Variants in CTNNA2 observed in about 807,000 individuals in gnomAD.
The protein encoded by CTNNA2 is catenin alpha 2.
Under a neutral mutation model 101.0 loss-of-function variants are expected in CTNNA2, and 42 were observed. That is an observed-to-expected ratio of 0.42 (90% CI 0.32 to 0.54). CTNNA2 has a LOEUF of 0.54. Among genes scored for constraint, CTNNA2 ranks in the 20% least tolerant of loss-of-function variants. The probability of loss-of-function intolerance (pLI) is 0.14; values close to 1 mark genes in which losing one functional copy is unlikely to be tolerated. For missense variants in CTNNA2, 871 were observed against 1,223.1 expected (o/e 0.71, Z 4.29); for synonymous variants, 450 against 456.4 (o/e 0.99, Z 0.18).
intron 7 of CTNNA2, among the ~76,000 whole-genome samples, chr2:80,343,334 C>A (rs1672407570): frequency 6.6e-6 from 1 of 150,640 alleles, no homozygotes; most frequent in Admixed American, 6.6e-5. Flanking sequence ...CTCTTAAGAT[C>A]ATCCATGTAT....
At chr2:79,978,026 G>A (rs1690991335) in intron 7 of CTNNA2, among the ~76,000 whole-genome samples, 1 of 152,122 alleles carries the variant, frequency 6.6e-6, no homozygotes, top group African/African-American at 2.4e-5. Flanking sequence ...GCCTCAAACT[G>A]CCAAATGCAA....
intron 2 of CTNNA2, among the ~76,000 whole-genome samples, chr2:79,305,982 C>T (rs1676233049): frequency 6.8e-6 from 1 of 147,016 alleles, no homozygotes; most frequent in South Asian, 2.1e-4. Flanking sequence ...GGAGGCAGAG[C>T]TTGCAGTGAG....
chr2:79,295,436 A>G (rs2104385551), intron 2 of CTNNA2, among the ~76,000 whole-genome samples: 1 of 152,210 alleles, frequency 6.6e-6, no homozygotes, highest in East Asian at 1.9e-4. Flanking sequence ...AAGAGTGCCA[A>G]TTATTTCTTC....
chr2:79,602,490 T>A (rs192490070), intron 1 of CTNNA2, among the ~76,000 whole-genome samples: 33 of 152,296 alleles, frequency 2.2e-4, no homozygotes, highest in African/African-American at 7.7e-4. Flanking sequence ...ATTGTACTCA[T>A]CACTGTACTT....
At chr2:79,790,345 G>A (rs574992265) in intron 3 of CTNNA2, among the ~76,000 whole-genome samples, 1 of 152,254 alleles carries the variant, frequency 6.6e-6, no homozygotes, top group East Asian at 1.9e-4. Context: ...GTCAAAGGAC[G>A]CAGAAAGGGT....
At chr2:80,193,800 C>T (rs965733782) in intron 7 of CTNNA2, among the ~76,000 whole-genome samples, 1 of 152,120 alleles carries the variant, frequency 6.6e-6, no homozygotes, top group Admixed American at 6.6e-5. Flanking sequence ...TTACTTTTCC[C>T]ATATCCAGCT....
rs74888080 is a variant in CTNNA2, at chr2:80,062,588, C to G, written c.1056+152791C>G. 2.9e-3 allele frequency among the ~76,000 whole-genome samples: 442 copies of G among 152,150 alleles called. 3 individuals carry two copies. In the East Asian group the frequency reaches 0.03, roughly 10 times the overall value. Reference sequence around the variant, plus strand: ...AAAGAACTAACTTAATTCTTTTATTCTCTCTATCATTTTGAGGATATGGGA... The same window carrying G: ...AAAGAACTAACTTAATTCTTTTATTGTCTCTATCATTTTGAGGATATGGGA... On this transcript the variant is annotated intron_variant, in intron 7 of 18. Coordinates refer to ENST00000402739, the MANE Select transcript of CTNNA2 (RefSeq NM_001282597.3).
chr2:80,175,095 C>A (rs1331742638), intron 7 of CTNNA2, among the ~76,000 whole-genome samples: 1 of 152,186 alleles, frequency 6.6e-6, no homozygotes, highest in African/African-American at 2.4e-5. Flanking sequence ...TCACCTCTGG[C>A]CTTCTCTTGA....
intron 1 of CTNNA2, among the ~76,000 whole-genome samples, chr2:79,537,821 T>C (rs577648113): frequency 6.6e-6 from 1 of 151,890 alleles, no homozygotes; most frequent in African/African-American, 2.4e-5. Context: ...AAGAGAAAGT[T>C]ATGCATACAA....
intron 1 of CTNNA2, among the ~76,000 whole-genome samples, chr2:79,577,811 T>C (rs1373010845): frequency 6.6e-6 from 1 of 152,144 alleles, no homozygotes; most frequent in Non-Finnish European, 1.5e-5. Flanking sequence ...TGCAAGTGAA[T>C]ACATTTACTG....
At chr2:79,860,348 G>A (rs376276794) in intron 4 of CTNNA2, among the ~76,000 whole-genome samples, 1 of 152,012 alleles carries the variant, frequency 6.6e-6, no homozygotes, top group Admixed American at 6.6e-5. Context: ...GAATATCCTT[G>A]CTGAACTGCC....
chr2:79,454,757 G>C (rs370610184), intron 4 of CTNNA2, among the ~76,000 whole-genome samples: 1 of 152,106 alleles, frequency 6.6e-6, no homozygotes, highest in Non-Finnish European at 1.5e-5. Context: ...TAATCAGGTT[G>C]CCATTTTATT....
chr2:80,378,455 A>C (rs1055085722), intron 7 of CTNNA2, among the ~76,000 whole-genome samples: 58 of 152,004 alleles, frequency 3.8e-4, no homozygotes, highest in Middle Eastern at 6.8e-3. Flanking sequence ...ACACACACAC[A>C]CACACACACA....
chr2:80,130,134 C>T (rs1702336908), intron 7 of CTNNA2, among the ~76,000 whole-genome samples: 1 of 152,074 alleles, frequency 6.6e-6, no homozygotes, highest in Admixed American at 6.6e-5. Context: ...AACCCTTTCA[C>T]CTGCTCACAA....
At chr2:80,434,499 T>C (rs1681846511) in intron 9 of CTNNA2, among the ~76,000 whole-genome samples, 1 of 147,050 alleles carries the variant, frequency 6.8e-6, no homozygotes, top group African/African-American at 2.5e-5. Flanking sequence ...TTTTTTTTTT[T>C]TTTTTTTTTG....
intron 18 of CTNNA2, among the ~76,000 whole-genome samples, chr2:80,629,144 A>G (rs562920336): frequency 3.5e-4 from 53 of 152,142 alleles, no homozygotes; most frequent in African/African-American, 1.3e-3. Context: ...TCTCCCCACA[A>G]AAGACTATAT....
At position 79,337,265 on chromosome 2, in the gene CTNNA2, A is replaced by G. The variant is rs142650381; in HGVS notation, c.-318+24469A>G. ...AAAGAAAATGGGTACAAGTATCTCA[A>G]AAATATAACCCTACCCAAAACACAC... On this transcript the variant is annotated intron_variant, in intron 3 of 21. Transcript: ENST00000466387. 1.1e-4 allele frequency among the ~76,000 whole-genome samples: 16 copies of G among 152,332 alleles called. 1 individual carries two copies. In the East Asian group the frequency reaches 3.1e-3, roughly 29 times the overall value.
intron 15 of CTNNA2, among the ~76,000 whole-genome samples, chr2:80,591,183 C>G (rs558838713): frequency 6.6e-6 from 1 of 152,086 alleles, no homozygotes; most frequent in African/African-American, 2.4e-5. Flanking sequence ...AAATAAGACA[C>G]ATGTCTGTTA....
chr2:80,090,069 T>C (rs781631369), intron 7 of CTNNA2, among the ~76,000 whole-genome samples: 1 of 151,796 alleles, frequency 6.6e-6, no homozygotes, highest in South Asian at 2.1e-4. Context: ...GTCTGTCAAA[T>C]TATAACTTAG....
Sources: allele counts gnomAD v4.1 joint callset (sites outside exome capture counted in the v4.1 genomes callset), GRCh38; gene constraint gnomAD v4.1.1; transcripts MANE v1.5; gene names NCBI Gene and HGNC (gene_info 2026-07-23, HGNC 2026-07-21).